NFIX: variants seen among roughly 807,000 people sequenced by gnomAD.
The protein encoded by NFIX is nuclear factor 1 X-type.
A neutral mutation model predicts 53.3 loss-of-function variants in NFIX; 2 were observed. The observed-to-expected ratio is 0.04, with a 90% CI of 0.02 to 0.12. NFIX has a LOEUF of 0.12. Among genes scored for constraint, NFIX ranks in the 10% least tolerant of loss-of-function variants. The pLI is 1.00. For missense variants in NFIX, 310 were observed against 674.5 expected, an observed-to-expected ratio of 0.46 and a Z score of 5.99; for synonymous variants, 244 against 289.0, an observed-to-expected ratio of 0.84 and a Z score of 1.58.
Position 13,002,789 on chromosome 19 carries a change from G to A in NFIX, c.27+6925G>A, listed in dbSNP as rs916892709. Among the ~76,000 whole-genome samples the A allele has an allele frequency of 1.3e-5, 2 of 152,178 alleles. No individual in the cohort carries two copies. The highest frequency in any genetic ancestry group is 1.9e-4 in the East Asian group (1 of 5,190). Reference sequence around the variant, plus strand: ...CACTGGGGAGCTCTCCCCCCACTGGGCCCCACCCTGAGGGGAGCCGGGGGT... The same window carrying A: ...CACTGGGGAGCTCTCCCCCCACTGGACCCCACCCTGAGGGGAGCCGGGGGT... On this transcript the variant is annotated intron_variant, in intron 1 of 10. Coordinates refer to ENST00000592199, the MANE Select transcript of NFIX (RefSeq NM_001365902.3). This position sits in a 1 kb window ranked among gnomAD's most constrained non-coding sequence, Gnocchi z 6.1.
At position 13,090,498 on chromosome 19, in the gene NFIX, G is replaced by A; in HGVS notation, c.1494+108G>A. The A allele has an allele frequency of 1.9e-6, 2 of 1,080,904 alleles. No homozygotes were observed. The highest frequency in any genetic ancestry group is 2.8e-6 in the Non-Finnish European group (2 of 707,104). 67.0% of individuals were successfully genotyped at this position (1,080,904 alleles called of 1,614,324 possible). A position where few individuals can be genotyped will look rare whatever the true frequency, so the allele number is the denominator to read the frequency against. On this transcript the variant is annotated intron_variant, in intron 10 of 10. Transcript: ENST00000592199. The surrounding 1 kb of genome is among the most constrained non-coding windows in gnomAD (Gnocchi z 6.6). ...CTGGAGTCCTTGGGGCTAACAGGGA[G>A]AGAGAGGTCTGAGGTGGGGCTGGAG...
intron 2 of NFIX, among the ~76,000 whole-genome samples, chr19:13,061,478 CTG>C (rs2016083710): frequency 6.6e-6 from 1 of 152,212 alleles, no homozygotes; most frequent in Non-Finnish European, 1.5e-5. Context: ...CCCTGGAGCT[CTG>C]GGCCGGTCGC....
At chr19:13,055,578 C>T (rs2015618371) in intron 2 of NFIX, among the ~76,000 whole-genome samples, 1 of 152,320 alleles carries the variant, frequency 6.6e-6, no homozygotes, top group Non-Finnish European at 1.5e-5. Context: ...CTCGGCTCTC[C>T]TCCTCCCTCA....
At position 13,060,043 on chromosome 19, in the gene NFIX, C is replaced by A. The variant is rs2015973192; in HGVS notation, c.560-13004C>A. ...GCTCAGGCGATCCACTCGCCTCAGC[C>A]TCTCAAAGTGCTGAGATTACAGGCA... On this transcript the variant is annotated intron_variant, in intron 2 of 10. Transcript: ENST00000592199. The surrounding 1 kb of genome is among the most constrained non-coding windows in gnomAD (Gnocchi z 4.3). 6.6e-6 allele frequency among the ~76,000 whole-genome samples: 1 copy of A among 152,150 alleles called. No homozygotes were observed. Among genetic ancestry groups the A allele is most frequent in the Non-Finnish European group, 1.5e-5 (1 of 68,006 alleles).
chr19:13,033,521 G>A (rs1343326389), intron 2 of NFIX, among the ~76,000 whole-genome samples: 1 of 152,118 alleles, frequency 6.6e-6, no homozygotes, highest in Admixed American at 6.5e-5. Flanking sequence ...CCCAGTACAG[G>A]GTACTTATTA....
chr19:13,062,304 T>C (rs2016141107), intron 2 of NFIX, among the ~76,000 whole-genome samples: 1 of 152,142 alleles, frequency 6.6e-6, no homozygotes, highest in African/African-American at 2.4e-5. Context: ...GTGTCGGTGG[T>C]TGGGCTGCAA....
intron 2 of NFIX, among the ~76,000 whole-genome samples, chr19:13,030,449 C>T (rs1171685117): frequency 6.6e-6 from 1 of 152,202 alleles, no homozygotes; most frequent in East Asian, 1.9e-4. Flanking sequence ...GTCACCTTTA[C>T]TTGTTGGTCT....
Position 13,011,738 on chromosome 19 carries a change from T to C in NFIX, c.28-13283T>C, listed in dbSNP as rs1183557206. Among the ~76,000 whole-genome samples the C allele has an allele frequency of 6.6e-6, 1 of 152,146 alleles. No individual in the cohort carries two copies. ...GTGCATTAGGTCGCGTGCCTGTACG[T>C]ACCCTACCTGAGACCGCCCCTCCGC... On this transcript the variant is annotated intron_variant, in intron 1 of 10. Coordinates refer to ENST00000592199, the MANE Select transcript of NFIX (RefSeq NM_001365902.3). The surrounding 1 kb of genome is among the most constrained non-coding windows in gnomAD (Gnocchi z 6.5).
At chr19:13,018,738 C>T (rs2012805517) in intron 1 of NFIX, among the ~76,000 whole-genome samples, 1 of 152,240 alleles carries the variant, frequency 6.6e-6, no homozygotes, top group African/African-American at 2.4e-5. Flanking sequence ...AGTTCCCTTC[C>T]CATCTCTGGC....
At chr19:13,031,277 A>G (rs2013783765) in intron 2 of NFIX, among the ~76,000 whole-genome samples, 1 of 152,150 alleles carries the variant, frequency 6.6e-6, no homozygotes, top group African/African-American at 2.4e-5. Context: ...AAAAAGAGTC[A>G]CCTTTGTCGG....
chr19:13,075,136 T>C (rs2017014030), intron 5 of NFIX, among the ~76,000 whole-genome samples: 1 of 151,968 alleles, frequency 6.6e-6, no homozygotes, highest in Admixed American at 6.6e-5. Context: ...TATGGCATTT[T>C]TGTCCCCCTG....
At chr19:13,050,848 G>A (rs2015285178) in intron 2 of NFIX, among the ~76,000 whole-genome samples, 1 of 150,704 alleles carries the variant, frequency 6.6e-6, no homozygotes, top group African/African-American at 2.4e-5. Flanking sequence ...GGTCACAGGG[G>A]ACATGCGACC....
chr19:13,087,341 G>A (rs549232119), intron 8 of NFIX, among the ~76,000 whole-genome samples: 7 of 152,274 alleles, frequency 4.6e-5, no homozygotes, highest in Non-Finnish European at 8.8e-5. Context: ...AGAACCTCAC[G>A]GGCACTAGAG....
rs3046151 is a variant in NFIX at position 12,996,142 on chromosome 19, CGTGTGTGTGTGT to C, written c.27+296_27+307del. Among the ~76,000 whole-genome samples the C allele has an allele frequency of 1.2e-4, 17 of 145,726 alleles. No individual in the cohort carries two copies. The highest frequency in any genetic ancestry group is 1.4e-4 in the Non-Finnish European group (9 of 65,674). On this transcript the variant is annotated intron_variant, in intron 1 of 10. Transcript: ENST00000592199. The surrounding 1 kb of genome is among the most constrained non-coding windows in gnomAD (Gnocchi z 5.2). ...TGGAGCGCAGGCGGGAGTGCGTGTA[CGTGTGTGTGTGT>C]GTGTGTGTGTGTGTGTGCGCGCTCG...
chr19:13,090,207 G>GTC lies in NFIX; in HGVS notation c.1403-87_1403-86dup. 1 of 1,207,572 alleles carries GTC rather than the reference G, an allele frequency of 8.3e-7. No individual in the cohort carries two copies. Among genetic ancestry groups the GTC allele is most frequent in the East Asian group, 2.3e-5 (1 of 42,892 alleles). The allele number at this position is 1,207,572 out of a possible 1,614,324, so 74.8% of individuals were successfully genotyped here. A position where few individuals can be genotyped will look rare whatever the true frequency, so the allele number is the denominator to read the frequency against. On this transcript the variant is annotated intron_variant, in intron 9 of 10. Transcript: ENST00000592199. This position sits in a 1 kb window ranked among gnomAD's most constrained non-coding sequence, Gnocchi z 6.6. ...AACTCGGGCAGCATGGTCTAACTCAGTCTCTCCCTCTCTCAGCAGCCCCGA... is the reference window on the plus strand; with the variant it reads ...AACTCGGGCAGCATGGTCTAACTCAGTCTCTCTCCCTCTCTCAGCAGCCCCGA...
In NFIX at chr19:13,067,458, G is replaced by GC. The variant is rs1485660223; in HGVS notation, c.560-5588dup. ...TGGTTAGTGGCACCTCCGTGTGTGT[G>GC]CGCGCGTGTGTGTGTGTGTGTGTGC... On this transcript the variant is annotated intron_variant, in intron 2 of 10. Transcript: ENST00000592199. The surrounding 1 kb of genome is among the most constrained non-coding windows in gnomAD (Gnocchi z 4.2). Among the ~76,000 whole-genome samples, 2 of 142,106 alleles carry GC rather than the reference G, an allele frequency of 1.4e-5. No individual in the cohort carries two copies. Among genetic ancestry groups the GC allele is most frequent in the Admixed American group, 7.2e-5 (1 of 13,952 alleles). 93.2% of individuals were successfully genotyped at this position (142,106 alleles called of 152,430 possible).
At position 13,002,050 on chromosome 19, in the gene NFIX, C is replaced by T. The variant is rs925312521; in HGVS notation, c.27+6186C>T. ...GTTCTAGCCTGGCCAGCTGGGTGTC[C>T]GGCTGTCTCCGTGGGCCTGAGCCCA... is the stretch of plus-strand genomic sequence containing the variant. On this transcript the variant is annotated intron_variant, in intron 1 of 10. Transcript: ENST00000592199. The surrounding 1 kb of genome is among the most constrained non-coding windows in gnomAD (Gnocchi z 6.1). Among the ~76,000 whole-genome samples the T allele has an allele frequency of 2.0e-5, 3 of 152,148 alleles. No individual in the cohort carries two copies. Among genetic ancestry groups the T allele is most frequent in the African/African-American group, 7.2e-5 (3 of 41,442 alleles).
chr19:13,094,993 G>A lies in NFIX; in HGVS notation c.*344G>A, dbSNP rs1167064080. On this transcript the variant is annotated 3_prime_UTR_variant, in exon 11 of 11. Transcript: ENST00000592199. This position sits in a 1 kb window ranked among gnomAD's most constrained non-coding sequence, Gnocchi z 4.3. ...CCCCCTGACCCCGCCCCGGCCTTCT[G>A]GGGAAGGAACAAAGTCCCCAAACAA... 4 of 286,624 alleles carry A rather than the reference G, an allele frequency of 1.4e-5. No homozygotes were observed. The highest frequency in any genetic ancestry group is 1.4e-4 in the East Asian group (2 of 14,342). The allele number at this position is 286,624 out of a possible 1,614,324, so 17.8% of individuals were successfully genotyped here. A position where few individuals can be genotyped will look rare whatever the true frequency, so the allele number is the denominator to read the frequency against.
rs1290733084 is a variant in NFIX at position 13,036,419 on chromosome 19, G to T, written c.559+10867G>T. On this transcript the variant is annotated intron_variant, in intron 2 of 10. Transcript: ENST00000592199. The surrounding 1 kb of genome is among the most constrained non-coding windows in gnomAD (Gnocchi z 4.7). Reference sequence around the variant, plus strand: ...GGTGGGGCTGTGGAAATGAGAAACCGGACGAGACAGAGAGGGAATCCAGAG... The same window carrying T: ...GGTGGGGCTGTGGAAATGAGAAACCTGACGAGACAGAGAGGGAATCCAGAG... Among the ~76,000 whole-genome samples, 1 of 152,088 alleles carries T rather than the reference G, an allele frequency of 6.6e-6. No individual in the cohort carries two copies. The highest frequency in any genetic ancestry group is 2.4e-5 in the African/African-American group (1 of 41,418).
Sources: allele counts gnomAD v4.1 joint callset (sites outside exome capture counted in the v4.1 genomes callset), GRCh38; gene constraint gnomAD v4.1.1; non-coding constraint Gnocchi (gnomAD v3.1); transcripts MANE v1.5; gene names NCBI Gene and HGNC (gene_info 2026-07-23, HGNC 2026-07-21).